Variants in MAGI1 observed in about 807,000 individuals in gnomAD.
MAGI1 encodes membrane associated guanylate kinase, WW and PDZ domain containing 1.
Under a neutral mutation model 139.9 loss-of-function variants are expected in MAGI1, and 58 were observed. The observed-to-expected ratio is 0.41, with a 90% CI of 0.34 to 0.52. MAGI1 has a LOEUF of 0.52. Ranked by LOEUF, MAGI1 falls within the 20% of genes least tolerant of loss-of-function variation. The probability of loss-of-function intolerance (pLI) is 0.12; values close to 1 mark genes in which losing one functional copy is unlikely to be tolerated. For synonymous variants in MAGI1, 812 were observed against 737.9 expected (o/e 1.10, Z -1.63); for missense variants, 1,874 against 1,901.6 (o/e 0.99, Z 0.27).
At chr3:65,888,835 G>A (rs1309055513) in intron 1 of MAGI1, among the ~76,000 whole-genome samples, 1 of 152,060 alleles carries the variant, frequency 6.6e-6, no homozygotes, top group Non-Finnish European at 1.5e-5. Flanking sequence ...GATGGAAAAT[G>A]GTTATTCCAA....
chr3:65,655,928 A>T (rs1165309625), intron 1 of MAGI1, among the ~76,000 whole-genome samples: 3 of 152,208 alleles, frequency 2.0e-5, no homozygotes, highest in Non-Finnish European at 2.9e-5. Flanking sequence ...ATTTAACAGA[A>T]ATAATCTTTT....
At chr3:65,864,667 G>A (rs776144281) in intron 1 of MAGI1, among the ~76,000 whole-genome samples, 1 of 152,114 alleles carries the variant, frequency 6.6e-6, no homozygotes, top group Non-Finnish European at 1.5e-5. Context: ...AGAATGGAGT[G>A]GGGAACAAGA....
intron 1 of MAGI1, among the ~76,000 whole-genome samples, chr3:65,841,698 T>G (rs1331602602): frequency 1.3e-5 from 2 of 152,098 alleles, no homozygotes; most frequent in Non-Finnish European, 2.9e-5. Context: ...AATGCTGGGA[T>G]TACAGGCATG....
intron 1 of MAGI1, chr3:65,688,183 A>G (rs1352596197): frequency 2.6e-6 from 2 of 762,712 alleles, no homozygotes; most frequent in Non-Finnish European, 2.3e-6. Flanking sequence ...GAGAGCGGCA[A>G]CTTCAGAGTA....
intron 1 of MAGI1, among the ~76,000 whole-genome samples, chr3:65,754,477 T>C (rs2036404041): frequency 6.6e-6 from 1 of 152,232 alleles, no homozygotes; most frequent in African/African-American, 2.4e-5. Flanking sequence ...CTTTTCAAGA[T>C]CAAGAAAGTT....
intron 1 of MAGI1, among the ~76,000 whole-genome samples, chr3:65,984,512 A>ATG (rs34046056): frequency 0.1 from 14,472 of 140,338 alleles, 693 homozygotes; most frequent in East Asian, 0.11. Context: ...TCAAAATAAA[A>ATG]TGTGTGTGTG....
intron 1 of MAGI1, among the ~76,000 whole-genome samples, chr3:65,959,940 T>C (rs906857631): frequency 2.7e-5 from 4 of 149,920 alleles, no homozygotes; most frequent in African/African-American, 9.8e-5. Context: ...AGAGTAGCTG[T>C]GATTACAGGA....
chr3:65,652,181 T>C (rs2085622597), intron 1 of MAGI1, among the ~76,000 whole-genome samples: 1 of 152,184 alleles, frequency 6.6e-6, no homozygotes, highest in African/African-American at 2.4e-5. Context: ...ACTCTGATTA[T>C]CAAAGGGGGT....
At chr3:65,884,443 C>T (rs937003496) in intron 1 of MAGI1, among the ~76,000 whole-genome samples, 4 of 152,282 alleles carry the variant, frequency 2.6e-5, no homozygotes, top group East Asian at 1.9e-4. Flanking sequence ...CCAAAAAGTA[C>T]TTCCCTTAAA....
At chr3:65,616,180 C>G (rs1015843855) in intron 2 of MAGI1, among the ~76,000 whole-genome samples, 3 of 149,738 alleles carry the variant, frequency 2.0e-5, no homozygotes, top group Non-Finnish European at 4.4e-5. Context: ...AGCCCACTAG[C>G]AAACCGATGC....
intron 2 of MAGI1, among the ~76,000 whole-genome samples, chr3:65,543,188 C>A (rs2079329479): frequency 6.6e-6 from 1 of 152,086 alleles, no homozygotes; most frequent in Non-Finnish European, 1.5e-5. Context: ...AAATGCAAAG[C>A]ACACACAATG....
intron 1 of MAGI1, among the ~76,000 whole-genome samples, chr3:65,712,394 C>A (rs2031576433): frequency 6.6e-6 from 1 of 151,200 alleles, no homozygotes; most frequent in African/African-American, 2.4e-5. Context: ...AGTCAGGAAT[C>A]CTTCCAGATG....
At chr3:65,867,982 T>C (rs543168122) in intron 1 of MAGI1, among the ~76,000 whole-genome samples, 5 of 152,268 alleles carry the variant, frequency 3.3e-5, no homozygotes, top group African/African-American at 1.2e-4. Flanking sequence ...CAGGAATCCA[T>C]AAGCTGCTCC....
chr3:65,533,053 T>G (rs189419359), intron 2 of MAGI1, among the ~76,000 whole-genome samples: 1 of 152,184 alleles, frequency 6.6e-6, no homozygotes, highest in Non-Finnish European at 1.5e-5. Context: ...AGATAAACTT[T>G]TGGGGGGCAT....
chr3:65,587,212 G>A (rs886501880), intron 2 of MAGI1, among the ~76,000 whole-genome samples: 8 of 152,126 alleles, frequency 5.3e-5, no homozygotes, highest in African/African-American at 1.9e-4. Context: ...TAAACCACTG[G>A]TTTACTGGGA....
intron 2 of MAGI1, among the ~76,000 whole-genome samples, chr3:65,610,776 ACT>A (rs2083023399): frequency 1.3e-5 from 1 of 77,152 alleles, no homozygotes; most frequent in African/African-American, 4.6e-5. Flanking sequence ...ATATATATAT[ACT>A]GTATATAGTA....
chr3:65,882,019 G>C (rs2060349465), intron 1 of MAGI1, among the ~76,000 whole-genome samples: 1 of 152,198 alleles, frequency 6.6e-6, no homozygotes, highest in East Asian at 1.9e-4. Flanking sequence ...GGAAACTCCT[G>C]ACTTCCCCTC....
chr3:65,365,197 CA>C, intron 18 of MAGI1: 1 of 679,436 alleles, frequency 1.5e-6, no homozygotes, highest in Non-Finnish European at 2.7e-6. Context: ...CAGAGTTTGC[CA>C]AAGAAAACAC....
intron 1 of MAGI1, among the ~76,000 whole-genome samples, chr3:65,919,557 G>A (rs2062069924): frequency 6.6e-6 from 1 of 150,826 alleles, no homozygotes; most frequent in African/African-American, 2.4e-5. Context: ...GCAAGACCCT[G>A]TCTCAAAAAA....
Sources: gnomAD v4.1 joint callset for allele counts (sites outside exome capture counted in the v4.1 genomes callset) on GRCh38, gnomAD v4.1.1 for gene constraint, MANE v1.5 for transcripts, NCBI Gene and HGNC (gene_info 2026-07-23, HGNC 2026-07-21) for gene names.